Variants in CAMK1D observed in about 807,000 individuals in gnomAD.
CAMK1D encodes the protein calcium/calmodulin-dependent protein kinase type 1D.
A neutral mutation model predicts 47.7 loss-of-function variants in CAMK1D; 9 were observed. The ratio of observed to expected loss-of-function variants is 0.19; its 90% CI spans 0.11 to 0.33. The LOEUF is 0.33. Ranked by LOEUF, CAMK1D falls within the 10% of genes least tolerant of loss-of-function variation. The probability of loss-of-function intolerance (pLI) is 1.00; values close to 1 mark genes in which losing one functional copy is unlikely to be tolerated. For missense variants in CAMK1D, 291 were observed against 488.7 expected (o/e 0.60, Z 3.81); for synonymous variants, 184 against 184.9 (o/e 0.99, Z 0.04).
chr10:12,452,114 T>C (rs1365481108), intron 1 of CAMK1D, among the ~76,000 whole-genome samples: 1 of 152,164 alleles, frequency 6.6e-6, no homozygotes, highest in Non-Finnish European at 1.5e-5. Flanking sequence ...CGGATCCCTT[T>C]GCAAGCCTGT....
intron 4 of CAMK1D, among the ~76,000 whole-genome samples, chr10:12,763,571 A>G (rs74118579): frequency 0.034 from 5,159 of 152,218 alleles, 279 homozygotes; most frequent in African/African-American, 0.12. Context: ...TGGGATTTAG[A>G]GCAGCATCCT....
rs554651653 is a variant in CAMK1D, at chr10:12,481,938, G to A, written c.93-71287G>A. ...GCCTGCAGTCAGAGCTGGACACTGT[G>A]TGGATCACTCACGATGCTTAATAAT... is the stretch of plus-strand genomic sequence containing the variant. On this transcript the variant is annotated intron_variant, in intron 1 of 10. Transcript: ENST00000619168. Among the ~76,000 whole-genome samples, 110 of 152,342 alleles carry A rather than the reference G, an allele frequency of 7.2e-4. 1 individual carries two copies. The highest frequency in any genetic ancestry group is 2.5e-3 in the African/African-American group (104 of 41,580).
intron 3 of CAMK1D, among the ~76,000 whole-genome samples, chr10:12,729,797 A>C (rs1834810616): frequency 6.6e-6 from 1 of 151,912 alleles, no homozygotes. Flanking sequence ...AGGCAGGGGG[A>C]ATGGTAAGTG....
At chr10:12,687,874 C>T (rs1832723814) in intron 3 of CAMK1D, among the ~76,000 whole-genome samples, 1 of 152,182 alleles carries the variant, frequency 6.6e-6, no homozygotes, top group Non-Finnish European at 1.5e-5. Flanking sequence ...GTTCCTTCCT[C>T]CCAAGGTTCT....
At chr10:12,715,957 GC>G (rs1459587346) in intron 3 of CAMK1D, among the ~76,000 whole-genome samples, 2 of 151,830 alleles carry the variant, frequency 1.3e-5, no homozygotes, top group Non-Finnish European at 2.9e-5. Context: ...TGATCCACCC[GC>G]CCCAGCCTCC....
At chr10:12,640,039 C>G (rs940412254) in intron 2 of CAMK1D, among the ~76,000 whole-genome samples, 1 of 152,188 alleles carries the variant, frequency 6.6e-6, no homozygotes, top group East Asian at 1.9e-4. Flanking sequence ...TTCTACGAAG[C>G]TCCCCTTTTG....
intron 1 of CAMK1D, among the ~76,000 whole-genome samples, chr10:12,400,433 T>C (rs963460663): frequency 2.6e-5 from 4 of 152,154 alleles, no homozygotes; most frequent in African/African-American, 9.7e-5. Flanking sequence ...TATTTGACTA[T>C]AGCTTATATC....
chr10:12,554,998 A>G (rs982582239), intron 2 of CAMK1D, among the ~76,000 whole-genome samples: 1 of 152,202 alleles, frequency 6.6e-6, no homozygotes, highest in African/African-American at 2.4e-5. Flanking sequence ...CTGATTTTGC[A>G]TGTTTGGAGT....
rs147622572 is a variant in CAMK1D at position 12,828,833 on chromosome 10, C to G, written c.1104C>G (p.Ala368=). 1.2e-6 allele frequency: 2 copies of G among 1,613,700 alleles called. No homozygotes were observed. The highest frequency in any genetic ancestry group is 1.3e-5 in the African/African-American group (1 of 74,982). The change falls in exon 11 of 11, where the codon GCC becomes GCG. Residue 368 remains alanine, a synonymous_variant. Transcript: ENST00000619168. ...CGTCGGGGGTCTCAGGAGTTGGAGC[C>G]GAGCGGAGACCCAGGCCCACCACTG... ...SSSSGVSGVG[A]ERRPRPTTVT...
intron 8 of CAMK1D, among the ~76,000 whole-genome samples, chr10:12,816,733 A>G (rs563307936): frequency 2.4e-4 from 36 of 152,010 alleles, no homozygotes; most frequent in Middle Eastern, 3.4e-3. Flanking sequence ...TTAGCTGGGC[A>G]TGGTGGCGCG....
At chr10:12,801,362 C>CTATCT (rs1838461950) in intron 6 of CAMK1D, among the ~76,000 whole-genome samples, 7 of 102,574 alleles carry the variant, frequency 6.8e-5, no homozygotes, top group East Asian at 2.9e-4. Context: ...TCTTATCTAT[C>CTATCT]TATCTATCTA....
At chr10:12,428,572 T>C (rs1840330757) in intron 1 of CAMK1D, among the ~76,000 whole-genome samples, 1 of 152,178 alleles carries the variant, frequency 6.6e-6, no homozygotes, top group African/African-American at 2.4e-5. Context: ...CCCGTTCCTC[T>C]TCAACTTCGC....
intron 1 of CAMK1D, among the ~76,000 whole-genome samples, chr10:12,355,639 G>A (rs903745582): frequency 2.6e-5 from 4 of 152,162 alleles, no homozygotes; most frequent in Admixed American, 6.5e-5. Context: ...GAGAAAAAAG[G>A]AGGGGTGGGA....
At position 12,542,857 on chromosome 10, in the gene CAMK1D, T is replaced by C. The variant is rs185029035; in HGVS notation, c.93-10368T>C. Among the ~76,000 whole-genome samples the C allele has an allele frequency of 6.5e-3, 987 of 152,256 alleles. 8 individuals carry two copies. The highest frequency in any genetic ancestry group is 0.022 in the African/African-American group (916 of 41,544). On this transcript the variant is annotated intron_variant, in intron 1 of 10. Transcript: ENST00000619168. Reference sequence around the variant, plus strand: ...GCCTCCCGGGTTTGAGCAATTCTCCTGCCTCAGCCTCCCAAGTAGCTGGGA... The same window carrying C: ...GCCTCCCGGGTTTGAGCAATTCTCCCGCCTCAGCCTCCCAAGTAGCTGGGA...
intron 1 of CAMK1D, among the ~76,000 whole-genome samples, chr10:12,515,402 C>CTTTTTTTT (rs772694725): frequency 2.9e-5 from 3 of 102,020 alleles, no homozygotes; most frequent in African/African-American, 7.7e-5. Flanking sequence ...TTTTCCTTTT[C>CTTTTTTTT]TTTTTTTTTT....
At chr10:12,558,862 G>A (rs1228212418) in intron 2 of CAMK1D, among the ~76,000 whole-genome samples, 1 of 152,158 alleles carries the variant, frequency 6.6e-6, no homozygotes, top group Non-Finnish European at 1.5e-5. Flanking sequence ...TTGGGGAAGT[G>A]ACCCTGGCAG....
Position 12,387,934 on chromosome 10 carries a change from T to C in CAMK1D, c.92+38024T>C, listed in dbSNP as rs572486054. Among the ~76,000 whole-genome samples the C allele has an allele frequency of 2.6e-5, 4 of 152,280 alleles. No homozygotes were observed. In the East Asian group the frequency reaches 7.7e-4, roughly 29 times the overall value. On this transcript the variant is annotated intron_variant, in intron 1 of 10. Coordinates refer to ENST00000619168, the MANE Select transcript of CAMK1D (RefSeq NM_153498.4). ...GCCCCTGCTGGCGCCCCACCAATGC[T>C]TAGTTGCTGTCATGAGTGAGTGAGC...
intron 5 of CAMK1D, 45 bp downstream of exon 5, chr10:12,769,844 G>A (rs1836959751): frequency 6.2e-7 from 1 of 1,605,330 alleles, no homozygotes; most frequent in East Asian, 2.2e-5. Context: ...TGTGTGTGAT[G>A]TCCTCATGTG....
At chr10:12,422,498 A>G (rs1294664709) in intron 1 of CAMK1D, among the ~76,000 whole-genome samples, 1 of 152,032 alleles carries the variant, frequency 6.6e-6, no homozygotes, top group Non-Finnish European at 1.5e-5. Flanking sequence ...CTGGATACGA[A>G]TGACTGCTGG....
Sources: gnomAD v4.1 joint callset for allele counts (sites outside exome capture counted in the v4.1 genomes callset) on GRCh38, gnomAD v4.1.1 for gene constraint, MANE v1.5 for transcripts, NCBI Gene and HGNC (gene_info 2026-07-23, HGNC 2026-07-21) for gene names.